The following PRKN variants were observed in gnomAD, a reference collection of about 807,000 sequenced individuals.
The protein encoded by PRKN is E3 ubiquitin-protein ligase parkin.
Under a neutral mutation model 59.5 loss-of-function variants are expected in PRKN, and 56 were observed. The observed-to-expected ratio is 0.94, with a 90% confidence interval of 0.76 to 1.18. The LOEUF (loss-of-function observed/expected upper bound fraction) is 1.18. Ranked by LOEUF, PRKN falls within the 50% of genes most tolerant of loss-of-function variation. The pLI is 0.00. For synonymous variants in PRKN, 250 were observed against 222.1 expected (o/e 1.13, Z -1.12); for missense variants, 657 against 596.4 (o/e 1.10, Z -1.06).
At position 161,393,440 on chromosome 6, in the gene PRKN, C is replaced by A. The variant is rs1786606509; in HGVS notation, c.1084-6563G>T. 1.3e-5 allele frequency among the ~76,000 whole-genome samples: 2 copies of A among 152,090 alleles called. No individual in the cohort carries two copies. Among genetic ancestry groups the A allele is most frequent in the Admixed American group, 6.5e-5 (1 of 15,276 alleles). ...TGCTGGTATACATGCTGAGGTAAGT[C>A]ACTGTCAGCCCCCTTAGACGCTCTG... On this transcript the variant is annotated intron_variant, in intron 9 of 11. Transcript: ENST00000366898. The surrounding 1 kb of genome is among the most constrained non-coding windows in gnomAD (Gnocchi z 4.7).
chr6:162,198,831 A>G (rs1322047506), intron 4 of PRKN, among the ~76,000 whole-genome samples: 1 of 152,116 alleles, frequency 6.6e-6, no homozygotes, highest in African/African-American at 2.4e-5. Context: ...AGGCTCTGGT[A>G]AGTACCTACT....
chr6:161,493,967 G>A (rs752380972), intron 9 of PRKN, among the ~76,000 whole-genome samples: 7 of 152,146 alleles, frequency 4.6e-5, no homozygotes, highest in Admixed American at 2.0e-4. Flanking sequence ...AGGGACGCTC[G>A]ATCAGCCGTT....
chr6:161,402,282 AC>A lies in PRKN; in HGVS notation c.1084-15406del. ...GTGTCTTATGAAATTATAAAATAAA[AC>A]CCAGACTTATAAGACTCTTCCCCTG... is the stretch of plus-strand genomic sequence containing the variant. On this transcript the variant is annotated intron_variant, in intron 9 of 11. Transcript: ENST00000366898. This position sits in a 1 kb window ranked among gnomAD's most constrained non-coding sequence, Gnocchi z 4.5. Among the ~76,000 whole-genome samples, 1 of 152,002 alleles carries A rather than the reference AC, an allele frequency of 6.6e-6. No individual in the cohort carries two copies. The highest frequency in any genetic ancestry group is 1.5e-5 in the Non-Finnish European group (1 of 67,974).
At chr6:161,825,544 C>T (rs1032095408) in intron 6 of PRKN, among the ~76,000 whole-genome samples, 1 of 152,104 alleles carries the variant, frequency 6.6e-6, no homozygotes, top group East Asian at 1.9e-4. Flanking sequence ...TAACTTTAAC[C>T]AAGTTAGTCC....
chr6:161,733,779 AAAAAATATAT>A (rs1302768302), intron 7 of PRKN, among the ~76,000 whole-genome samples: 3,057 of 85,768 alleles, frequency 0.036, 170 homozygotes, highest in African/African-American at 0.18. Context: ...TGAAAAAAAA[AAAAAATATAT>A]ATATATATGT....
chr6:162,219,627 AC>A (rs1777849639), intron 3 of PRKN, among the ~76,000 whole-genome samples: 1 of 151,960 alleles, frequency 6.6e-6, no homozygotes, highest in Non-Finnish European at 1.5e-5. Context: ...AAAAAAAAAA[AC>A]ATACTTCAGG....
At chr6:161,996,930 T>C (rs1781869384) in intron 5 of PRKN, among the ~76,000 whole-genome samples, 1 of 152,222 alleles carries the variant, frequency 6.6e-6, no homozygotes, top group Admixed American at 6.5e-5. Flanking sequence ...ACCACTTACA[T>C]GTGCCCCTTG....
chr6:161,704,251 T>C (rs1173145347), intron 7 of PRKN, among the ~76,000 whole-genome samples: 1 of 152,110 alleles, frequency 6.6e-6, no homozygotes, highest in Non-Finnish European at 1.5e-5. Context: ...GCTGAGTGCA[T>C]GAAGGCAGTC....
At chr6:161,717,388 G>C (rs1787029581) in intron 7 of PRKN, among the ~76,000 whole-genome samples, 1 of 152,098 alleles carries the variant, frequency 6.6e-6, no homozygotes, top group Non-Finnish European at 1.5e-5. Flanking sequence ...TCAAACCATA[G>C]CACAGGATAA....
intron 4 of PRKN, among the ~76,000 whole-genome samples, chr6:162,160,890 C>CAAAAAAAAAAAAAAAAAAAA (rs56320816): frequency 1.2e-5 from 1 of 80,264 alleles, no homozygotes; most frequent in African/African-American, 5.3e-5. Flanking sequence ...GACTCCGTCT[C>CAAAAAAAAAAAAAAAAAAAA]AAAAAAAAAA....
chr6:162,024,650 A>G (rs1305013873), intron 5 of PRKN, among the ~76,000 whole-genome samples: 2 of 152,204 alleles, frequency 1.3e-5, no homozygotes, highest in Admixed American at 6.5e-5. Context: ...TGTAAAGCGA[A>G]TTGTTGTCAC....
At chr6:162,373,010 A>T (rs1313592462) in intron 2 of PRKN, among the ~76,000 whole-genome samples, 4 of 152,142 alleles carry the variant, frequency 2.6e-5, no homozygotes, top group African/African-American at 9.7e-5. Flanking sequence ...TATCAGGAGT[A>T]CTTTTTCAGG....
chr6:161,874,558 ATATATAAAATATATAT>A lies in PRKN; in HGVS notation c.735-88666_735-88651del, dbSNP rs1349112343. On this transcript the variant is annotated intron_variant, in intron 6 of 11. Coordinates refer to ENST00000366898, the MANE Select transcript of PRKN (RefSeq NM_004562.3). The stretch of plus-strand genomic sequence containing the variant: ...ATATATATTATGTAAAATATATATT[ATATATAAAATATATAT>A]TATGTAAAATATATATTGTATGTAA... Among the ~76,000 whole-genome samples, 20 of 109,258 alleles carry A rather than the reference ATATATAAAATATATAT, an allele frequency of 1.8e-4. 1 individual carries two copies. The highest frequency in any genetic ancestry group is 2.6e-4 in the Non-Finnish European group (16 of 61,640). The allele number at this position is 109,258 out of a possible 152,430, so 71.7% of individuals were successfully genotyped here.
chr6:161,522,856 G>C (rs1778885369), intron 9 of PRKN, among the ~76,000 whole-genome samples: 1 of 152,184 alleles, frequency 6.6e-6, no homozygotes, highest in Non-Finnish European at 1.5e-5. Context: ...AAAAAGCCCA[G>C]TGACATCGTA....
intron 2 of PRKN, among the ~76,000 whole-genome samples, chr6:162,389,234 G>A (rs17529131): frequency 6.6e-6 from 1 of 152,070 alleles, no homozygotes; most frequent in African/African-American, 2.4e-5. Context: ...AGCCCAAATA[G>A]CAAGAAGGCA....
At chr6:161,927,015 T>C (rs1338660395) in intron 6 of PRKN, among the ~76,000 whole-genome samples, 1 of 152,192 alleles carries the variant, frequency 6.6e-6, no homozygotes, top group East Asian at 1.9e-4. Context: ...TTCTAAAGGA[T>C]ACCTGTTCTA....
intron 3 of PRKN, among the ~76,000 whole-genome samples, chr6:162,216,463 G>A (rs1777660019): frequency 6.8e-6 from 1 of 147,006 alleles, no homozygotes; most frequent in East Asian, 2.1e-4. Flanking sequence ...CCGGGAAGCG[G>A]AGCTTGCAGT....
At chr6:162,429,790 C>A (rs1222171651) in intron 2 of PRKN, among the ~76,000 whole-genome samples, 1 of 152,140 alleles carries the variant, frequency 6.6e-6, no homozygotes, top group African/African-American at 2.4e-5. Context: ...GGAGTGCTTG[C>A]TGTGGAGGAG....
intron 1 of PRKN, among the ~76,000 whole-genome samples, chr6:162,644,484 G>A (rs1778088241): frequency 6.6e-6 from 1 of 152,134 alleles, no homozygotes; most frequent in Non-Finnish European, 1.5e-5. Flanking sequence ...ATCCCTCCCT[G>A]GGAGAATATG....
Sources: allele counts gnomAD v4.1 joint callset (sites outside exome capture counted in the v4.1 genomes callset), GRCh38; gene constraint gnomAD v4.1.1; non-coding constraint Gnocchi (gnomAD v3.1); transcripts MANE v1.5; gene names NCBI Gene and HGNC (gene_info 2026-07-23, HGNC 2026-07-21).